ABHD17C: variants seen among roughly 807,000 people sequenced by gnomAD.
ABHD17C encodes the protein abhydrolase domain containing 17C, depalmitoylase.
ABHD17C carries 11 observed loss-of-function variants against 27.9 expected under a neutral mutation model. That is an observed-to-expected ratio of 0.39 (90% confidence interval 0.25 to 0.65). ABHD17C has a LOEUF of 0.65. Ranked by LOEUF, ABHD17C falls within the 30% of genes least tolerant of loss-of-function variation. The pLI is 0.45. For missense variants in ABHD17C, 280 were observed against 470.2 expected, an observed-to-expected ratio of 0.60 and a Z score of 3.74; for synonymous variants, 233 against 209.1, an observed-to-expected ratio of 1.11 and a Z score of -0.98.
At chr15:80,699,305 A>G (rs1348723162) in intron 1 of ABHD17C, among the ~76,000 whole-genome samples, 1 of 152,214 alleles carries the variant, frequency 6.6e-6, no homozygotes, top group Non-Finnish European at 1.5e-5. Flanking sequence ...ATTGCACATA[A>G]TGGGCGCCCC....
Position 80,696,002 on chromosome 15 carries a change from G to A in ABHD17C, c.573G>A (p.Trp191Ter). ...TCTACGCCGACATCGACGCCGCGTG[G>A]CAGGCGCTGCGCACCCGGTGAGCCT... ...KNLYADIDAA[W>*]QALRTRYGVS... Residue 191 changes from tryptophan to a stop codon, truncating the protein, a stop_gained, in exon 1 of 3, where the codon TGG becomes TGA. Transcript: ENST00000258884. LOFTEE classifies it high-confidence loss of function. 6.3e-7 allele frequency: 1 copy of A among 1,576,062 alleles called. No individual in the cohort carries two copies. The highest frequency in any genetic ancestry group is 8.6e-7 in the Non-Finnish European group (1 of 1,169,044).
intron 1 of ABHD17C, among the ~76,000 whole-genome samples, chr15:80,700,749 A>T (rs1894560455): frequency 1.3e-5 from 2 of 152,034 alleles, no homozygotes; most frequent in Admixed American, 6.6e-5. Context: ...AAAATTTTTA[A>T]AAGTAGCCAG....
chr15:80,717,279 G>T (rs1277368200), intron 1 of ABHD17C, among the ~76,000 whole-genome samples: 1 of 136,172 alleles, frequency 7.3e-6, no homozygotes, highest in Non-Finnish European at 1.6e-5. Context: ...AAAGAGTTTT[G>T]GCATAGCTAA....
At position 80,754,584 on chromosome 15, in the gene ABHD17C, C is replaced by A. The variant is rs1328574828; in HGVS notation, c.*214C>A. The A allele has an allele frequency of 3.8e-6, 2 of 525,390 alleles. No homozygotes were observed. The highest frequency in any genetic ancestry group is 6.8e-6 in the Non-Finnish European group (2 of 295,020). The allele number at this position is 525,390 out of a possible 1,614,324, so 32.5% of individuals were successfully genotyped here. A position where few individuals can be genotyped will look rare whatever the true frequency, so the allele number is the denominator to read the frequency against. ...CACGTTAAACTGAACAGTCGTGATT[C>A]CCAGCTTCATTACCTTGCAGGAATG... is the stretch of plus-strand genomic sequence containing the variant. On this transcript the variant is annotated 3_prime_UTR_variant, in exon 3 of 3. Coordinates refer to ENST00000258884, the MANE Select transcript of ABHD17C (RefSeq NM_021214.2).
rs67320992 is a variant in ABHD17C, at chr15:80,713,354, C to CTTTTTTTTTTTTTTT, written c.590+17349_590+17363dup. Among the ~76,000 whole-genome samples the CTTTTTTTTTTTTTTT allele has an allele frequency of 3.1e-3, 135 of 43,844 alleles. 31 individuals are homozygous for CTTTTTTTTTTTTTTT. The highest frequency in any genetic ancestry group is 7.7e-3 in the African/African-American group (77 of 10,044). 28.8% of individuals were successfully genotyped at this position (43,844 alleles called of 152,430 possible). A position where few individuals can be genotyped will look rare whatever the true frequency, so the allele number is the denominator to read the frequency against. ...GAAGGAAAGCCACTGAGGTCTTGTT[C>CTTTTTTTTTTTTTTT]TTTTTTTTTTTTTTTTTTTTTTTTT... is the stretch of plus-strand genomic sequence containing the variant. On this transcript the variant is annotated intron_variant, in intron 1 of 2. Transcript: ENST00000258884.
intron 1 of ABHD17C, among the ~76,000 whole-genome samples, chr15:80,743,634 G>A (rs1303488488): frequency 1.3e-5 from 2 of 152,082 alleles, no homozygotes; most frequent in Non-Finnish European, 2.9e-5. Flanking sequence ...CCAGACTGGA[G>A]TGCAGTGGTG....
At chr15:80,730,314 C>G (rs1373538833) in intron 1 of ABHD17C, among the ~76,000 whole-genome samples, 3 of 152,190 alleles carry the variant, frequency 2.0e-5, no homozygotes, top group Non-Finnish European at 4.4e-5. Flanking sequence ...CCTGCATAGC[C>G]CATGGAATCC....
chr15:80,754,971 A>G lies in ABHD17C; in HGVS notation c.*601A>G, dbSNP rs1361419094. ...CTGGAATATTCTTAAACAAAAAGAAACTAGGGGTTTTTTTAAGTGTAAATT... is the reference window on the plus strand; with the variant it reads ...CTGGAATATTCTTAAACAAAAAGAAGCTAGGGGTTTTTTTAAGTGTAAATT... On this transcript the variant is annotated 3_prime_UTR_variant, in exon 3 of 3. Coordinates refer to ENST00000258884, the MANE Select transcript of ABHD17C (RefSeq NM_021214.2). 1 of 152,244 alleles carries G rather than the reference A, an allele frequency of 6.6e-6. No homozygotes were observed. The highest frequency in any genetic ancestry group is 1.5e-5 in the Non-Finnish European group (1 of 68,048). The allele number at this position is 152,244 out of a possible 1,614,324, so 9.4% of individuals were successfully genotyped here. A position where few individuals can be genotyped will look rare whatever the true frequency, so the allele number is the denominator to read the frequency against.
chr15:80,738,738 T>C (rs1162338136), intron 1 of ABHD17C, among the ~76,000 whole-genome samples: 1 of 151,886 alleles, frequency 6.6e-6, no homozygotes, highest in Non-Finnish European at 1.5e-5. Flanking sequence ...GTTTGGGAGA[T>C]GTTACATGTG....
chr15:80,742,389 A>T (rs1895222867), intron 1 of ABHD17C, among the ~76,000 whole-genome samples: 1 of 152,192 alleles, frequency 6.6e-6, no homozygotes, highest in Non-Finnish European at 1.5e-5. Context: ...CTGAAGTCTG[A>T]AGGTCTTAGA....
chr15:80,735,958 G>C (rs1895124588), intron 1 of ABHD17C, among the ~76,000 whole-genome samples: 1 of 152,060 alleles, frequency 6.6e-6, no homozygotes, highest in African/African-American at 2.4e-5. Flanking sequence ...TGCTGTATTT[G>C]GTATGTTTTC....
At chr15:80,753,001 C>A (rs1056689372) in intron 2 of ABHD17C, among the ~76,000 whole-genome samples, 21 of 152,094 alleles carry the variant, frequency 1.4e-4, no homozygotes, top group East Asian at 1.9e-4. Context: ...CTAAATAGTA[C>A]AGTTTTTATT....
chr15:80,718,709 T>G (rs1280498273), intron 1 of ABHD17C, among the ~76,000 whole-genome samples: 1 of 152,158 alleles, frequency 6.6e-6, no homozygotes, highest in Non-Finnish European at 1.5e-5. Flanking sequence ...TCAATCTTGG[T>G]TTTTAGATCA....
intron 1 of ABHD17C, among the ~76,000 whole-genome samples, chr15:80,721,409 T>C (rs778102046): frequency 1.3e-5 from 2 of 152,160 alleles, no homozygotes; most frequent in Non-Finnish European, 2.9e-5. Context: ...GTAGGTTAGC[T>C]TGGTGATAAA....
At chr15:80,742,322 G>A (rs1895221837) in intron 1 of ABHD17C, among the ~76,000 whole-genome samples, 1 of 152,258 alleles carries the variant, frequency 6.6e-6, no homozygotes, top group South Asian at 2.1e-4. Flanking sequence ...GAGGCCAAAG[G>A]CCTGAGAATC....
rs765531917 is a variant in ABHD17C at position 80,750,929 on chromosome 15, C to T, written c.770+1237C>T. The stretch of plus-strand genomic sequence containing the variant: ...ATTAGCATATACCTTAAAATACAGC[C>T]ATCTCAACAAATTGCAAATGATTAA... On this transcript the variant is annotated intron_variant, in intron 2 of 2. Coordinates refer to ENST00000258884, the MANE Select transcript of ABHD17C (RefSeq NM_021214.2). 1.5e-4 allele frequency among the ~76,000 whole-genome samples: 23 copies of T among 151,764 alleles called. 1 individual carries two copies. The highest frequency in any genetic ancestry group is 1.2e-3 in the Admixed American group (19 of 15,226).
At chr15:80,749,817 C>T (rs1355022264) in intron 2 of ABHD17C, 125 bp downstream of exon 2, 2 of 1,164,114 alleles carry the variant, frequency 1.7e-6, no homozygotes, top group Non-Finnish European at 2.4e-6. Flanking sequence ...GTGCTGGGTG[C>T]CACAGGGCAT....
In ABHD17C at chr15:80,734,985, A is replaced by G. The variant is rs913585576; in HGVS notation, c.591-14528A>G. Among the ~76,000 whole-genome samples, 6 of 152,174 alleles carry G rather than the reference A, an allele frequency of 3.9e-5. No individual in the cohort carries two copies. The East Asian group carries it at 1.2e-3, about 29-fold the overall frequency. ...TTGTTACTCTGTGCATTATGGTATC[A>G]TCATCTCGCATGGGACCTGGGCCTT... On this transcript the variant is annotated intron_variant, in intron 1 of 2. Transcript: ENST00000258884.
chr15:80,729,151 A>G (rs1302966476), intron 1 of ABHD17C, among the ~76,000 whole-genome samples: 1 of 152,178 alleles, frequency 6.6e-6, no homozygotes, highest in Non-Finnish European at 1.5e-5. Context: ...GTGCCTGATA[A>G]CCACTGGAGG....
Sources: allele counts gnomAD v4.1 joint callset (sites outside exome capture counted in the v4.1 genomes callset), GRCh38; gene constraint gnomAD v4.1.1; transcripts MANE v1.5; gene names NCBI Gene and HGNC (gene_info 2026-07-23, HGNC 2026-07-21).